Variants in AGBL4 observed in about 807,000 individuals in gnomAD.
AGBL4 encodes the protein AGBL carboxypeptidase 4.
In AGBL4, 58 loss-of-function variants were observed where a neutral mutation model predicts 66.4. That is an observed-to-expected ratio of 0.87 (90% CI 0.71 to 1.09). AGBL4 has a LOEUF of 1.09. Ranked by LOEUF, AGBL4 falls within the 50% of genes least tolerant of loss-of-function variation. The probability of loss-of-function intolerance (pLI) is 0.00; values close to 1 mark genes in which losing one functional copy is unlikely to be tolerated. For missense variants in AGBL4, 579 were observed against 631.0 expected (o/e 0.92, Z 0.88); for synonymous variants, 234 against 222.9 (o/e 1.05, Z -0.44).
intron 5 of AGBL4, among the ~76,000 whole-genome samples, chr1:49,041,115 T>C (rs1467975503): frequency 1.3e-5 from 2 of 152,092 alleles, no homozygotes; most frequent in African/African-American, 4.8e-5. Context: ...GTAACAACTA[T>C]GGCCATAGTG....
chr1:49,094,689 AAAT>A (rs539411185), intron 4 of AGBL4, among the ~76,000 whole-genome samples: 1,587 of 152,258 alleles, frequency 0.01, 15 homozygotes, highest in Non-Finnish European at 0.017. Flanking sequence ...CTGTATCTCA[AAAT>A]AATAAGAGCT....
At chr1:49,764,954 A>G (rs1652628225) in intron 2 of AGBL4, among the ~76,000 whole-genome samples, 1 of 152,298 alleles carries the variant, frequency 6.6e-6, no homozygotes, top group Middle Eastern at 3.4e-3. Context: ...AAACAGATCA[A>G]GTTTGAGCCT....
intron 3 of AGBL4, among the ~76,000 whole-genome samples, chr1:49,661,845 GA>G (rs1646275394): frequency 6.6e-6 from 1 of 151,970 alleles, no homozygotes; most frequent in African/African-American, 2.4e-5. Flanking sequence ...TTACCCAAGA[GA>G]AACAAAGTCT....
chr1:49,755,846 T>A (rs1288892178), intron 2 of AGBL4, among the ~76,000 whole-genome samples: 1 of 152,194 alleles, frequency 6.6e-6, no homozygotes, highest in Non-Finnish European at 1.5e-5. Context: ...TGTGCCAGAG[T>A]GATCTTTCTA....
At chr1:48,984,189 A>G (rs1242154167) in intron 5 of AGBL4, among the ~76,000 whole-genome samples, 2 of 152,132 alleles carry the variant, frequency 1.3e-5, no homozygotes, top group East Asian at 2.0e-4. Flanking sequence ...GCAGTAGAGG[A>G]TTAGAAGCCT....
chr1:49,123,055 A>G (rs1377352319), intron 4 of AGBL4, among the ~76,000 whole-genome samples: 1 of 152,008 alleles, frequency 6.6e-6, no homozygotes, highest in Non-Finnish European at 1.5e-5. Context: ...GGGTTTCACT[A>G]TGTTGGCCAG....
At chr1:48,890,292 T>A (rs1462553160) in intron 5 of AGBL4, among the ~76,000 whole-genome samples, 1 of 152,160 alleles carries the variant, frequency 6.6e-6, no homozygotes, top group African/African-American at 2.4e-5. Context: ...ACTTGTGTCA[T>A]CTCTCAGAAC....
intron 6 of AGBL4, among the ~76,000 whole-genome samples, chr1:48,700,730 C>A (rs570321938): frequency 6.6e-6 from 1 of 152,288 alleles, no homozygotes; most frequent in South Asian, 2.1e-4. Context: ...CCACCATGTG[C>A]CACAGACCTC....
rs540279995 is a variant in AGBL4, at chr1:49,848,238, A to G, written c.157+3158T>C. On this transcript the variant is annotated intron_variant, in intron 2 of 13. Transcript: ENST00000371839. ...TCTAAGAACTAAAAATAGAACTACC[A>G]TTCAATACCATTCAATTCAAAGATA... is the stretch of plus-strand genomic sequence containing the variant. Among the ~76,000 whole-genome samples the G allele has an allele frequency of 8.5e-5, 13 of 152,354 alleles. No individual in the cohort carries two copies. In the South Asian group the frequency reaches 2.7e-3, roughly 32 times the overall value.
At chr1:49,745,752 C>G (rs1227910406) in intron 2 of AGBL4, among the ~76,000 whole-genome samples, 1 of 151,780 alleles carries the variant, frequency 6.6e-6, no homozygotes, top group Admixed American at 6.6e-5. Context: ...CACACAAAAA[C>G]TGTCAGAACT....
chr1:49,284,259 A>G (rs1264121354), intron 3 of AGBL4, among the ~76,000 whole-genome samples: 3 of 152,214 alleles, frequency 2.0e-5, no homozygotes, highest in Non-Finnish European at 4.4e-5. Context: ...AGAATTTCAT[A>G]TCCAGCCAAA....
At chr1:49,990,190 T>C (rs552699372) in intron 1 of AGBL4, among the ~76,000 whole-genome samples, 24 of 152,366 alleles carry the variant, frequency 1.6e-4, no homozygotes, top group Non-Finnish European at 2.9e-4. Context: ...ACATTAATTG[T>C]AATACCAATG....
chr1:48,678,532 T>G (rs561493833), intron 6 of AGBL4, among the ~76,000 whole-genome samples: 1 of 152,302 alleles, frequency 6.6e-6, no homozygotes, highest in East Asian at 1.9e-4. Flanking sequence ...CGGGCCAGAT[T>G]GGGATCTTAG....
At chr1:49,262,241 T>C (rs866490109) in intron 3 of AGBL4, among the ~76,000 whole-genome samples, 1 of 152,158 alleles carries the variant, frequency 6.6e-6, no homozygotes, top group Non-Finnish European at 1.5e-5. Context: ...ATTCAGGACA[T>C]AGGCATGGGC....
In AGBL4 at chr1:48,942,400, A is replaced by C. The variant is rs913770890; in HGVS notation, c.595-75170T>G. Among the ~76,000 whole-genome samples, 8 of 152,074 alleles carry C rather than the reference A, an allele frequency of 5.3e-5. No homozygotes were observed. In the East Asian group the frequency reaches 1.4e-3, roughly 26 times the overall value. On this transcript the variant is annotated intron_variant, in intron 5 of 13. Coordinates refer to ENST00000371839, the MANE Select transcript of AGBL4 (RefSeq NM_032785.4). ...AAATTAATAGCTCCCTAGCTGAGTGACCCTGGGCCCATGACTTAATCTCTC... is the reference window on the plus strand; with the variant it reads ...AAATTAATAGCTCCCTAGCTGAGTGCCCCTGGGCCCATGACTTAATCTCTC...
At chr1:49,542,923 A>C (rs1570987893) in intron 3 of AGBL4, among the ~76,000 whole-genome samples, 1 of 150,788 alleles carries the variant, frequency 6.6e-6, no homozygotes, top group Non-Finnish European at 1.5e-5. Flanking sequence ...AAAAAAAAAA[A>C]AACTCAACAA....
chr1:49,164,867 G>T (rs1425929256), intron 4 of AGBL4, among the ~76,000 whole-genome samples: 2 of 152,128 alleles, frequency 1.3e-5, no homozygotes, highest in Admixed American at 1.3e-4. Context: ...GTGACCAAGG[G>T]TTTCTATAAA....
At chr1:49,472,343 G>T (rs529859052) in intron 3 of AGBL4, among the ~76,000 whole-genome samples, 1 of 152,094 alleles carries the variant, frequency 6.6e-6, no homozygotes, top group South Asian at 2.1e-4. Flanking sequence ...GTAATTAGTA[G>T]ATACGAACAC....
intron 4 of AGBL4, among the ~76,000 whole-genome samples, chr1:49,120,912 T>C (rs1645639411): frequency 1.3e-5 from 2 of 151,566 alleles, no homozygotes; most frequent in Non-Finnish European, 2.9e-5. Context: ...TTCTTTTTCC[T>C]CTTTTTCCTC....
Sources: gnomAD v4.1 joint callset for allele counts (sites outside exome capture counted in the v4.1 genomes callset) on GRCh38, gnomAD v4.1.1 for gene constraint, MANE v1.5 for transcripts, NCBI Gene and HGNC (gene_info 2026-07-23, HGNC 2026-07-21) for gene names.